The following MAP2K5 variants were observed in gnomAD, a reference collection of about 807,000 sequenced individuals.
MAP2K5 encodes the protein dual specificity mitogen-activated protein kinase kinase 5.
Under a neutral mutation model 83.1 loss-of-function variants are expected in MAP2K5, and 49 were observed. That is an observed-to-expected ratio of 0.59 (90% CI 0.47 to 0.75). The LOEUF is 0.75. MAP2K5 is among the 30% of genes least tolerant of loss of function. The pLI is 0.00. For missense variants in MAP2K5, 457 were observed against 557.5 expected, an observed-to-expected ratio of 0.82 and a Z score of 1.82; for synonymous variants, 202 against 191.8, an observed-to-expected ratio of 1.05 and a Z score of -0.44.
intron 13 of MAP2K5, among the ~76,000 whole-genome samples, chr15:67,686,440 T>C (rs1372851034): frequency 6.6e-6 from 1 of 151,556 alleles, no homozygotes. Context: ...AACCCCCGTC[T>C]CACTAAAAAT....
At chr15:67,683,791 A>T (rs2087881996) in intron 13 of MAP2K5, among the ~76,000 whole-genome samples, 1 of 152,146 alleles carries the variant, frequency 6.6e-6, no homozygotes, top group Non-Finnish European at 1.5e-5. Context: ...AAACAAACAG[A>T]TACTTCTACT....
chr15:67,791,748 G>C (rs934098028), intron 21 of MAP2K5, among the ~76,000 whole-genome samples: 1 of 152,164 alleles, frequency 6.6e-6, no homozygotes, highest in African/African-American at 2.4e-5. Flanking sequence ...TTGAAAGCCG[G>C]TTGTAGAATG....
chr15:67,734,352 G>A (rs531142440), intron 17 of MAP2K5, among the ~76,000 whole-genome samples: 5 of 152,144 alleles, frequency 3.3e-5, no homozygotes, highest in East Asian at 1.9e-4. Flanking sequence ...GCTTGGAAAC[G>A]TGCTATTTTA....
intron 9 of MAP2K5, chr15:67,641,650 T>G (rs1028415612): frequency 1.0e-6 from 1 of 985,866 alleles, no homozygotes; most frequent in African/African-American, 1.7e-5. Context: ...GCAGTGGAAA[T>G]GCACCAAGGT....
rs2141308508 is a variant in MAP2K5 at position 67,774,962 on chromosome 15, A to G, written c.1242+2210A>G. 6.6e-6 allele frequency among the ~76,000 whole-genome samples: 1 copy of G among 152,330 alleles called. No individual in the cohort carries two copies. The highest frequency in any genetic ancestry group is 2.4e-5 in the African/African-American group (1 of 41,566). On this transcript the variant is annotated intron_variant, in intron 21 of 21. Transcript: ENST00000178640. This position sits in a 1 kb window ranked among gnomAD's most constrained non-coding sequence, Gnocchi z 4.9. ...TGGAAATACTGGAAGTTATAGATTC[A>G]CTATTTGGGAACTCTTATATGAACT...
At chr15:67,603,142 A>G (rs980788494) in intron 8 of MAP2K5, among the ~76,000 whole-genome samples, 1 of 152,254 alleles carries the variant, frequency 6.6e-6, no homozygotes, top group African/African-American at 2.4e-5. Flanking sequence ...CATTAAGTAC[A>G]TTCACATTGT....
chr15:67,714,674 C>T (rs944833876), intron 16 of MAP2K5, among the ~76,000 whole-genome samples: 1 of 152,008 alleles, frequency 6.6e-6, no homozygotes, highest in African/African-American at 2.4e-5. Context: ...TATTTAGTTT[C>T]AAGAATGTGA....
chr15:67,727,995 T>C (rs780873635), intron 17 of MAP2K5, 50 bp downstream of exon 17: 4 of 1,490,868 alleles, frequency 2.7e-6, no homozygotes, highest in Non-Finnish European at 3.7e-6. Flanking sequence ...CATTCCTATG[T>C]ATGAAGGTGC....
At chr15:67,673,706 T>G (rs1219722181) in intron 13 of MAP2K5, among the ~76,000 whole-genome samples, 1 of 152,242 alleles carries the variant, frequency 6.6e-6, no homozygotes, top group African/African-American at 2.4e-5. Flanking sequence ...TTTAATGATT[T>G]ATTAAAAGAT....
At chr15:67,693,812 C>T (rs1190375408) in intron 15 of MAP2K5, among the ~76,000 whole-genome samples, 7 of 152,242 alleles carry the variant, frequency 4.6e-5, no homozygotes, top group Non-Finnish European at 8.8e-5. Flanking sequence ...CGCTGAGTTT[C>T]GAAGTTTAAT....
At chr15:67,756,562 T>TGTGTGTGTGA (rs10678847) in intron 19 of MAP2K5, among the ~76,000 whole-genome samples, 4 of 61,906 alleles carry the variant, frequency 6.5e-5, no homozygotes, top group Non-Finnish European at 1.4e-4. Context: ...TGTGTGTGTG[T>TGTGTGTGTGA]TGATAACACT....
chr15:67,569,459 C>T (rs2084908136), intron 3 of MAP2K5, among the ~76,000 whole-genome samples: 1 of 152,154 alleles, frequency 6.6e-6, no homozygotes, highest in Non-Finnish European at 1.5e-5. Context: ...ATGCTGCAAG[C>T]TGTAAGTAAG....
At chr15:67,706,857 A>C (rs980270355) in intron 16 of MAP2K5, among the ~76,000 whole-genome samples, 3 of 152,212 alleles carry the variant, frequency 2.0e-5, no homozygotes, top group African/African-American at 7.2e-5. Flanking sequence ...GGAGGTTATG[A>C]GTCCATACAT....
intron 6 of MAP2K5, among the ~76,000 whole-genome samples, chr15:67,590,249 A>G (rs1419048701): frequency 3.9e-5 from 6 of 152,162 alleles, no homozygotes; most frequent in Non-Finnish European, 8.8e-5. Flanking sequence ...AAGAGTAATT[A>G]TAACTTGAAG....
intron 8 of MAP2K5, among the ~76,000 whole-genome samples, chr15:67,613,400 G>A (rs1464339109): frequency 6.6e-6 from 1 of 152,058 alleles, no homozygotes; most frequent in African/African-American, 2.4e-5. Context: ...TGTTTCATTC[G>A]GTCAGAGAGA....
rs769182921 is a variant in MAP2K5 at position 67,717,728 on chromosome 15, C to T, written c.1045-10188C>T. 1.3e-5 allele frequency among the ~76,000 whole-genome samples: 2 copies of T among 152,180 alleles called. No individual in the cohort carries two copies. The highest frequency in any genetic ancestry group is 6.5e-5 in the Admixed American group (1 of 15,276). On this transcript the variant is annotated intron_variant, in intron 16 of 21. Coordinates refer to ENST00000178640, the MANE Select transcript of MAP2K5 (RefSeq NM_145160.3). This position sits in a 1 kb window ranked among gnomAD's most constrained non-coding sequence, Gnocchi z 4.1. ...GGAAGATCCAAGATGACTTCATATG[C>T]GTGTATGATGCTTTGGTGGGGATGG... is the stretch of plus-strand genomic sequence containing the variant.
intron 2 of MAP2K5, among the ~76,000 whole-genome samples, chr15:67,556,624 T>G (rs969674994): frequency 4.0e-5 from 6 of 151,188 alleles, no homozygotes; most frequent in African/African-American, 1.2e-4. Flanking sequence ...TGATCTCAGC[T>G]CACTGCAACC....
intron 9 of MAP2K5, among the ~76,000 whole-genome samples, chr15:67,634,841 T>C (rs1290580788): frequency 6.6e-6 from 1 of 152,222 alleles, no homozygotes; most frequent in Non-Finnish European, 1.5e-5. Context: ...AGTTGGGTCT[T>C]ATTTTTTAAT....
Position 67,717,271 on chromosome 15 carries a change from A to G in MAP2K5, c.1045-10645A>G, listed in dbSNP as rs1406783974. Among the ~76,000 whole-genome samples the G allele has an allele frequency of 6.6e-6, 1 of 152,234 alleles. No individual in the cohort carries two copies. The highest frequency in any genetic ancestry group is 1.9e-4 in the East Asian group (1 of 5,194). On this transcript the variant is annotated intron_variant, in intron 16 of 21. Coordinates refer to ENST00000178640, the MANE Select transcript of MAP2K5 (RefSeq NM_145160.3). The surrounding 1 kb of genome is among the most constrained non-coding windows in gnomAD (Gnocchi z 4.1). ...TTTCAAAATGTGCTAGTTACCTTTC[A>G]GAAACTAAGGCCTAGTTTATTTATT...
Sources: allele counts gnomAD v4.1 joint callset (sites outside exome capture counted in the v4.1 genomes callset), GRCh38; gene constraint gnomAD v4.1.1; non-coding constraint Gnocchi (gnomAD v3.1); transcripts MANE v1.5; gene names NCBI Gene and HGNC (gene_info 2026-07-23, HGNC 2026-07-21).